Variants in RPGRIP1L observed in about 807,000 individuals in gnomAD.
RPGRIP1L encodes RPGRIP1 like.
A neutral mutation model predicts 160.4 loss-of-function variants in RPGRIP1L; 131 were observed. That is an observed-to-expected ratio of 0.82 (90% CI 0.71 to 0.94). The LOEUF (loss-of-function observed/expected upper bound fraction) is 0.94, where lower values mean the gene tolerates loss of function less well. RPGRIP1L is among the 40% of genes least tolerant of loss of function. The pLI is 0.00. For missense variants in RPGRIP1L, 1,522 were observed against 1,535.8 expected, an observed-to-expected ratio of 0.99 and a Z score of 0.15; for synonymous variants, 510 against 515.8, an observed-to-expected ratio of 0.99 and a Z score of 0.15.
Position 53,645,957 on chromosome 16 carries a change from G to A in RPGRIP1L, c.2351C>T (p.Ser784Phe). The A allele has an allele frequency of 1.2e-6, 2 of 1,614,074 alleles. No homozygotes were observed. Among genetic ancestry groups the A allele is most frequent in the Non-Finnish European group, 1.7e-6 (2 of 1,179,998 alleles). The change falls in exon 17 of 27, where the codon TCC becomes TTC. Residue 784 changes from serine (S) to phenylalanine (F), a missense_variant. By Grantham distance (155) the Ser-to-Phe change is radical (BLOSUM62 -2). Coordinates refer to ENST00000647211, the MANE Select transcript of RPGRIP1L (RefSeq NM_015272.5). ...PKTAQLSSTD[S>F]TDGNLNELHI... ...AAGTTCATTTAAGTTGCCATCTGTG[G>A]AATCTGTAGAACTGAGTTGAGCAGT...
chr16:53,602,947 G>A (rs757184639), intron 26 of RPGRIP1L, among the ~76,000 whole-genome samples: 13 of 152,198 alleles, frequency 8.5e-5, no homozygotes, highest in African/African-American at 1.2e-4. Context: ...TAGATTTTAT[G>A]TGAAATTAGA....
chr16:53,703,293 AAAATATTTATTGAATGAATAAATGAATAT>A (rs1971645608), intron 1 of RPGRIP1L: 1 of 152,218 alleles, frequency 6.6e-6, no homozygotes, highest in South Asian at 2.1e-4. Flanking sequence ...GAATAAAGAA[AAAATATTTATTGAATGAATAAATGAATAT>A]CAGGTACTGA....
At position 53,601,464 on chromosome 16, in the gene RPGRIP1L, G is replaced by A. The variant is rs938224620; in HGVS notation, c.*612C>T. 4 of 152,898 alleles carry A rather than the reference G, an allele frequency of 2.6e-5. No individual in the cohort carries two copies. The highest frequency in any genetic ancestry group is 5.9e-5 in the Non-Finnish European group (4 of 68,282). The allele number at this position is 152,898 out of a possible 1,614,324, so 9.5% of individuals were successfully genotyped here. A position where few individuals can be genotyped will look rare whatever the true frequency, so the allele number is the denominator to read the frequency against. On this transcript the variant is annotated 3_prime_UTR_variant, in exon 27 of 27. Coordinates refer to ENST00000647211, the MANE Select transcript of RPGRIP1L (RefSeq NM_015272.5). Reference sequence around the variant, plus strand: ...CAGTCATTGAATAAGTTGGTGCTAAGTTTCATTCTTTATATTTAATTGATA... The same window carrying A: ...CAGTCATTGAATAAGTTGGTGCTAAATTTCATTCTTTATATTTAATTGATA...
intron 15 of RPGRIP1L, among the ~76,000 whole-genome samples, chr16:53,652,238 A>G (rs745413956): frequency 5.9e-5 from 9 of 152,040 alleles, no homozygotes; most frequent in Non-Finnish European, 1.3e-4. Flanking sequence ...ACACCTGGCT[A>G]ATTTTTGTAT....
chr16:53,644,537 A>G (rs1175239865), intron 17 of RPGRIP1L, among the ~76,000 whole-genome samples: 1 of 152,226 alleles, frequency 6.6e-6, no homozygotes, highest in Non-Finnish European at 1.5e-5. Context: ...TAGACACATC[A>G]GTAGAACTGT....
At chr16:53,678,866 G>A (rs1969399450) in intron 6 of RPGRIP1L, among the ~76,000 whole-genome samples, 1 of 152,142 alleles carries the variant, frequency 6.6e-6, no homozygotes, top group Admixed American at 6.5e-5. Flanking sequence ...TTCTGTAGCT[G>A]TATTGTTGAA....
chr16:53,603,079 G>T (rs1038043740), intron 26 of RPGRIP1L, among the ~76,000 whole-genome samples: 1 of 152,124 alleles, frequency 6.6e-6, no homozygotes, highest in Admixed American at 6.5e-5. Context: ...GGGCTCAAGT[G>T]ATTCCCCCAC....
At chr16:53,658,651 T>A in intron 11 of RPGRIP1L, 121 bp downstream of exon 11, 1 of 850,494 alleles carries the variant, frequency 1.2e-6, no homozygotes. Flanking sequence ...TAGCATGAGT[T>A]AATAAACTGA....
At position 53,648,519 on chromosome 16, in the gene RPGRIP1L, T is replaced by C. The variant is rs142274096; in HGVS notation, c.2304+445A>G. Among the ~76,000 whole-genome samples, 71 of 152,326 alleles carry C rather than the reference T, an allele frequency of 4.7e-4. 1 individual carries two copies. In the East Asian group the frequency reaches 0.012, roughly 25 times the overall value. On this transcript the variant is annotated intron_variant, in intron 16 of 26. Transcript: ENST00000647211. Reference sequence around the variant, plus strand: ...GCACGGGGCAGTTTCTTTGTGTTGATGGAACAGCTCTGTATTTTGGTTGTG... The same window carrying C: ...GCACGGGGCAGTTTCTTTGTGTTGACGGAACAGCTCTGTATTTTGGTTGTG...
chr16:53,680,855 T>C (rs778399286), intron 6 of RPGRIP1L, among the ~76,000 whole-genome samples: 9 of 150,370 alleles, frequency 6.0e-5, no homozygotes, highest in Non-Finnish European at 1.0e-4. Context: ...GAAGGAGAAA[T>C]AGGAGGGAAG....
chr16:53,645,308 C>T (rs1414687819), intron 17 of RPGRIP1L, among the ~76,000 whole-genome samples: 1 of 151,350 alleles, frequency 6.6e-6, no homozygotes, highest in Non-Finnish European at 1.5e-5. Flanking sequence ...TACATATATA[C>T]AATAATAATT....
intron 25 of RPGRIP1L, among the ~76,000 whole-genome samples, chr16:53,610,271 C>T (rs563100307): frequency 6.6e-6 from 1 of 152,028 alleles, no homozygotes; most frequent in Non-Finnish European, 1.5e-5. Flanking sequence ...ATTTTCTCTA[C>T]TGAACCAGAA....
In RPGRIP1L at chr16:53,649,234, T is replaced by C. The variant is rs528130180; in HGVS notation, c.2153-119A>G. Reference sequence around the variant, plus strand: ...ATACATTTTATGCTGAGTAAAATAATATGACTTGCACAAATGATGTGAGAT... The same window carrying C: ...ATACATTTTATGCTGAGTAAAATAACATGACTTGCACAAATGATGTGAGAT... On this transcript the variant is annotated intron_variant, in intron 15 of 26. Transcript: ENST00000647211. The C allele has an allele frequency of 6.2e-6, 5 of 807,384 alleles. No individual in the cohort carries two copies. The East Asian group carries it at 1.3e-4, about 21-fold the overall frequency. 50.0% of individuals were successfully genotyped at this position (807,384 alleles called of 1,614,324 possible). A position where few individuals can be genotyped will look rare whatever the true frequency, so the allele number is the denominator to read the frequency against.
intron 25 of RPGRIP1L, among the ~76,000 whole-genome samples, chr16:53,610,108 G>C (rs1458886706): frequency 6.6e-6 from 1 of 152,000 alleles, no homozygotes; most frequent in Non-Finnish European, 1.5e-5. Context: ...CAAGCCGAGG[G>C]AGGACGGCCA....
chr16:53,647,923 G>A (rs1966670549), intron 16 of RPGRIP1L, among the ~76,000 whole-genome samples: 1 of 151,908 alleles, frequency 6.6e-6, no homozygotes, highest in Non-Finnish European at 1.5e-5. Flanking sequence ...GCCTAACACA[G>A]TGAAACCCCG....
At chr16:53,689,333 CT>C (rs1174195004) in intron 4 of RPGRIP1L, among the ~76,000 whole-genome samples, 1 of 151,894 alleles carries the variant, frequency 6.6e-6, no homozygotes, top group African/African-American at 2.4e-5. Context: ...AACACTAGAA[CT>C]TTTTCTTATT....
chr16:53,613,386 T>A (rs1001899903), intron 24 of RPGRIP1L, among the ~76,000 whole-genome samples: 3 of 152,036 alleles, frequency 2.0e-5, no homozygotes, highest in African/African-American at 7.2e-5. Flanking sequence ...CATAGCTCAC[T>A]GCAGCCTCGA....
intron 12 of RPGRIP1L, among the ~76,000 whole-genome samples, chr16:53,658,088 G>A (rs1967426103): frequency 6.6e-6 from 1 of 152,070 alleles, no homozygotes. Flanking sequence ...GCAGAAAATC[G>A]ATGAGTTAAA....
Position 53,598,566 on chromosome 16 carries a change from T to C in RPGRIP1L, c.*3510A>G, listed in dbSNP as rs1160820643. 4 of 152,228 alleles carry C rather than the reference T, an allele frequency of 2.6e-5. No individual in the cohort carries two copies. Among genetic ancestry groups the C allele is most frequent in the Admixed American group, 2.6e-4 (4 of 15,294 alleles). The allele number at this position is 152,228 out of a possible 1,614,324, so 9.4% of individuals were successfully genotyped here. The stretch of plus-strand genomic sequence containing the variant: ...GATGAGGAGATGTTTTCTAATTCTA[T>C]ATTTTTAGTTTTAAAAACACTTGTT... On this transcript the variant is annotated 3_prime_UTR_variant, in exon 27 of 27. Coordinates refer to ENST00000647211, the MANE Select transcript of RPGRIP1L (RefSeq NM_015272.5).
Sources: allele counts gnomAD v4.1 joint callset (sites outside exome capture counted in the v4.1 genomes callset), GRCh38; gene constraint gnomAD v4.1.1; transcripts MANE v1.5; gene names NCBI Gene and HGNC (gene_info 2026-07-23, HGNC 2026-07-21).